Variants in UGT1A8 observed in about 807,000 individuals in gnomAD.
UGT1A8 encodes UDP-glucuronosyltransferase 1A8.
In UGT1A8, 39 loss-of-function variants were observed where a neutral mutation model predicts 45.3. The observed-to-expected ratio is 0.86, with a 90% CI of 0.67 to 1.12. The LOEUF (loss-of-function observed/expected upper bound fraction) is 1.12. Among genes scored for constraint, UGT1A8 ranks in the 50% most tolerant of loss-of-function variants. The pLI is 0.00. For missense variants in UGT1A8, 719 were observed against 664.9 expected (o/e 1.08, Z -0.90); for synonymous variants, 275 against 249.2 (o/e 1.10, Z -0.97).
chr2:233,710,513 G>A (rs1316837698), intron 1 of UGT1A8, among the ~76,000 whole-genome samples: 1 of 152,190 alleles, frequency 6.6e-6, no homozygotes, highest in Non-Finnish European at 1.5e-5. Context: ...TCTTATGACT[G>A]ATGATAATCT....
chr2:233,656,740 G>A (rs951711507), intron 1 of UGT1A8, among the ~76,000 whole-genome samples: 5 of 152,138 alleles, frequency 3.3e-5, no homozygotes, highest in Non-Finnish European at 5.9e-5. Context: ...TCCCGTCGTG[G>A]CTGTGACTCA....
intron 1 of UGT1A8, among the ~76,000 whole-genome samples, chr2:233,678,229 A>G (rs539832176): frequency 6.6e-6 from 1 of 152,352 alleles, no homozygotes; most frequent in East Asian, 1.9e-4. Flanking sequence ...TACTTGGGTG[A>G]TGGGAGCAAT....
intron 1 of UGT1A8, among the ~76,000 whole-genome samples, chr2:233,661,191 G>A (rs1310741373): frequency 5.3e-5 from 8 of 151,300 alleles, no homozygotes; most frequent in African/African-American, 9.7e-5. Flanking sequence ...ATATGTGAGC[G>A]TTCCCCAACA....
At chr2:233,749,564 G>C (rs1694221021) in intron 1 of UGT1A8, among the ~76,000 whole-genome samples, 1 of 151,822 alleles carries the variant, frequency 6.6e-6, no homozygotes, top group South Asian at 2.1e-4. Flanking sequence ...GTATTCAATA[G>C]TGAGGCCACT....
intron 1 of UGT1A8, chr2:233,717,942 G>C (rs1357400143): frequency 2.2e-6 from 1 of 453,616 alleles, no homozygotes; most frequent in Non-Finnish European, 4.4e-6. Flanking sequence ...TCTCTATGCA[G>C]ACTTGCAGAA....
At chr2:233,762,024 A>T (rs1393568604) in intron 1 of UGT1A8, among the ~76,000 whole-genome samples, 1 of 151,856 alleles carries the variant, frequency 6.6e-6, no homozygotes, top group Non-Finnish European at 1.5e-5. Context: ...TTTGTATTTT[A>T]TTTTTTTTAA....
intron 1 of UGT1A8, chr2:233,719,291 T>C (rs2011404): frequency 0.85 from 1,366,998 of 1,613,952 alleles, 580,228 homozygotes; most frequent in East Asian, 0.99. Flanking sequence ...TTAACCTCTG[T>C]GGGGCGGTGC....
At chr2:233,712,851 A>G in intron 1 of UGT1A8, 1 of 1,539,628 alleles carries the variant, frequency 6.5e-7, no homozygotes, top group East Asian at 2.4e-5. Context: ...ACGGGTAATA[A>G]GTAACTGGAG....
At chr2:233,771,561 C>T (rs1395815945) in intron 4 of UGT1A8, 1 of 152,134 alleles carries the variant, frequency 6.6e-6, no homozygotes, top group Admixed American at 6.6e-5. Context: ...GTTAATTTGG[C>T]CAGAGGTGGT....
chr2:233,673,287 C>CT (rs2125503885), intron 1 of UGT1A8, among the ~76,000 whole-genome samples: 1 of 152,056 alleles, frequency 6.6e-6, no homozygotes, highest in East Asian at 1.9e-4. Flanking sequence ...TTATAAATAC[C>CT]TTTATAGACC....
chr2:233,636,827 C>A lies in UGT1A8; in HGVS notation c.855+18265C>A, dbSNP rs45538634. 3.7e-6 allele frequency: 6 copies of A among 1,614,200 alleles called. No homozygotes were observed. In the Admixed American group the frequency reaches 1.0e-4, roughly 27 times the overall value. On this transcript the variant is annotated intron_variant, in intron 1 of 4. Coordinates refer to ENST00000373450, the MANE Select transcript of UGT1A8 (RefSeq NM_019076.5). ...GCCCATGCTCAATGGAAAGCACAGG[C>A]ACAAAGTATATTTTCTCTATTAATG...
chr2:233,617,639 G>C lies in UGT1A8; in HGVS notation c.-69G>C, dbSNP rs1254060001. 2.6e-6 allele frequency: 4 copies of C among 1,543,804 alleles called. No individual in the cohort carries two copies. Among genetic ancestry groups the C allele is most frequent in the South Asian group, 1.3e-5 (1 of 78,734 alleles). ...TCTATTGGGGTCAGGTTTTGTGCCT[G>C]TAGTTCTTCCGCCTACTGTATCATA... On this transcript the variant is annotated 5_prime_UTR_variant, in exon 1 of 5. Coordinates refer to ENST00000373450, the MANE Select transcript of UGT1A8 (RefSeq NM_019076.5).
At chr2:233,713,488 C>A (rs758374226) in intron 1 of UGT1A8, 1 of 1,613,950 alleles carries the variant, frequency 6.2e-7, no homozygotes, top group Non-Finnish European at 8.5e-7. Context: ...AAGTACCTGT[C>A]GATTCCTGCT....
chr2:233,753,830 C>T (rs560874978), intron 1 of UGT1A8, among the ~76,000 whole-genome samples: 4 of 152,332 alleles, frequency 2.6e-5, no homozygotes, highest in Non-Finnish European at 4.4e-5. Flanking sequence ...GGGCTGAAGA[C>T]AGTCCTAGTA....
intron 1 of UGT1A8, chr2:233,761,151 G>A (rs748685520): frequency 3.7e-6 from 6 of 1,614,140 alleles, no homozygotes; most frequent in Non-Finnish European, 5.1e-6. Flanking sequence ...CACTATCCCA[G>A]GTGTGTATTG....
At chr2:233,718,766 A>G in intron 1 of UGT1A8, 1 of 1,612,768 alleles carries the variant, frequency 6.2e-7, no homozygotes, top group Non-Finnish European at 8.5e-7. Context: ...GAAGGAAACA[A>G]ATGTAGCAGG....
chr2:233,744,064 T>G, intron 1 of UGT1A8: 1 of 560,044 alleles, frequency 1.8e-6, no homozygotes, highest in Non-Finnish European at 2.7e-6. Context: ...TCGAGGCCTA[T>G]GAGCGCCTCG....
At chr2:233,623,653 A>T (rs1425136751) in intron 1 of UGT1A8, among the ~76,000 whole-genome samples, 6 of 152,176 alleles carry the variant, frequency 3.9e-5, no homozygotes, top group Non-Finnish European at 8.8e-5. Flanking sequence ...TTTCCAGTTC[A>T]TAATTAAATT....
intron 1 of UGT1A8, among the ~76,000 whole-genome samples, chr2:233,649,380 G>A (rs2073683632): frequency 6.6e-6 from 1 of 152,066 alleles, no homozygotes; most frequent in Non-Finnish European, 1.5e-5. Context: ...TTTTGGAAAA[G>A]TATTTAAAAG....
Sources: gnomAD v4.1 joint callset for allele counts (sites outside exome capture counted in the v4.1 genomes callset) on GRCh38, gnomAD v4.1.1 for gene constraint, MANE v1.5 for transcripts, NCBI Gene and HGNC (gene_info 2026-07-23, HGNC 2026-07-21) for gene names.